Variants in SORCS1 observed in about 807,000 individuals in gnomAD.
SORCS1 encodes the protein sortilin related VPS10 domain containing receptor 1.
A neutral mutation model predicts 146.1 loss-of-function variants in SORCS1; 60 were observed. The ratio of observed to expected loss-of-function variants is 0.41; its 90% confidence interval spans 0.33 to 0.51. The LOEUF (loss-of-function observed/expected upper bound fraction) is 0.51. Ranked by LOEUF, SORCS1 falls within the 20% of genes least tolerant of loss-of-function variation. The pLI is 0.21. For missense variants in SORCS1, 1,352 were observed against 1,487.6 expected (o/e 0.91, Z 1.50); for synonymous variants, 637 against 584.0 (o/e 1.09, Z -1.31).
chr10:107,167,355 A>C (rs914024322), upstream of SORCS1, among the ~76,000 whole-genome samples: 1 of 152,218 alleles, frequency 6.6e-6, no homozygotes, highest in African/African-American at 2.4e-5. Context: ...GCAATCCAAT[A>C]GATTTTTATT....
intron 9 of SORCS1, among the ~76,000 whole-genome samples, chr10:106,696,351 G>T (rs1853703334): frequency 6.6e-6 from 1 of 152,184 alleles, no homozygotes. Flanking sequence ...ATGGCTTTCA[G>T]CTTCCTGCTA....
chr10:106,662,984 T>C (rs1024969109), intron 17 of SORCS1, among the ~76,000 whole-genome samples: 3 of 152,214 alleles, frequency 2.0e-5, no homozygotes, highest in Non-Finnish European at 4.4e-5. Context: ...CCCAGTTGGC[T>C]GAGTGGAATT....
rs189202870 is a variant in SORCS1, at chr10:106,912,310, C to A, written c.626+44203G>T. On this transcript the variant is annotated intron_variant, in intron 2 of 25. Transcript: ENST00000263054. ...CAGAATAACTGAACATGAAACAAAA[C>A]AAAACGAAGCAAAACACAATAGTGC... is the stretch of plus-strand genomic sequence containing the variant. Among the ~76,000 whole-genome samples the A allele has an allele frequency of 8.8e-5, 11 of 124,314 alleles. 1 individual carries two copies. Among genetic ancestry groups the A allele is most frequent in the African/African-American group, 3.1e-4 (10 of 31,864 alleles). 81.6% of individuals were successfully genotyped at this position (124,314 alleles called of 152,430 possible).
intron 17 of SORCS1, among the ~76,000 whole-genome samples, chr10:106,661,228 TGAAATAAA>T (rs1850705288): frequency 6.6e-6 from 1 of 152,176 alleles, no homozygotes; most frequent in African/African-American, 2.4e-5. Flanking sequence ...GGCACTAACA[TGAAATAAA>T]ATACAAATGA....
intron 1 of SORCS1, among the ~76,000 whole-genome samples, chr10:107,141,011 G>A (rs1428547145): frequency 6.6e-6 from 1 of 152,184 alleles, no homozygotes; most frequent in Non-Finnish European, 1.5e-5. Context: ...TCCACACTCT[G>A]AAGTCCTTCA....
At chr10:106,769,885 G>A (rs995417036) in intron 4 of SORCS1, among the ~76,000 whole-genome samples, 5 of 152,126 alleles carry the variant, frequency 3.3e-5, no homozygotes, top group African/African-American at 1.2e-4. Context: ...GAGGCCAGGA[G>A]TTCGAGACCA....
intron 1 of SORCS1, among the ~76,000 whole-genome samples, chr10:107,029,159 T>C (rs149700934): frequency 6.6e-6 from 1 of 152,336 alleles, no homozygotes; most frequent in Non-Finnish European, 1.5e-5. Context: ...TGTCAATCAA[T>C]AGTTATACTT....
At chr10:107,137,077 G>A (rs1967365100) in intron 1 of SORCS1, among the ~76,000 whole-genome samples, 1 of 152,092 alleles carries the variant, frequency 6.6e-6, no homozygotes, top group South Asian at 2.1e-4. Flanking sequence ...GCTCCCCATG[G>A]GCCCTTTAAC....
intron 3 of SORCS1, among the ~76,000 whole-genome samples, chr10:106,812,291 C>T (rs1947501837): frequency 6.6e-6 from 1 of 152,180 alleles, no homozygotes; most frequent in Non-Finnish European, 1.5e-5. Context: ...TGAGCCACTG[C>T]ACCCAGCCTG....
intron 2 of SORCS1, among the ~76,000 whole-genome samples, chr10:106,886,041 C>G (rs2137799814): frequency 6.6e-6 from 1 of 152,278 alleles, no homozygotes; most frequent in Non-Finnish European, 1.5e-5. Flanking sequence ...GTGAGCGGAT[C>G]ACCTGAGGTC....
chr10:107,011,476 G>T (rs1162217244), intron 1 of SORCS1, among the ~76,000 whole-genome samples: 1 of 152,190 alleles, frequency 6.6e-6, no homozygotes, highest in Non-Finnish European at 1.5e-5. Context: ...TGTAAATGCT[G>T]TGTCTTTGCT....
chr10:107,103,096 C>T (rs905836530), intron 1 of SORCS1, among the ~76,000 whole-genome samples: 3 of 152,162 alleles, frequency 2.0e-5, no homozygotes, highest in Non-Finnish European at 4.4e-5. Context: ...GAGAATATGA[C>T]CACAAAGCAT....
chr10:107,178,492 A>G, the SORCS1 span, among the ~76,000 whole-genome samples: 1 of 149,322 alleles, frequency 6.7e-6, no homozygotes. Context: ...TATTTTATAT[A>G]TATATATATA....
chr10:106,816,289 T>A (rs1947737751), intron 3 of SORCS1, among the ~76,000 whole-genome samples: 1 of 152,254 alleles, frequency 6.6e-6, no homozygotes, highest in Admixed American at 6.5e-5. Flanking sequence ...ACATCTGTGA[T>A]TTCAGACAAA....
chr10:106,639,817 A>G (rs750712158), intron 18 of SORCS1, among the ~76,000 whole-genome samples: 1 of 152,146 alleles, frequency 6.6e-6, no homozygotes, highest in Non-Finnish European at 1.5e-5. Context: ...CAGGAGATCG[A>G]GACCATCCTG....
intron 9 of SORCS1, among the ~76,000 whole-genome samples, chr10:106,697,092 T>C (rs1853758721): frequency 1.3e-5 from 2 of 152,294 alleles, no homozygotes; most frequent in East Asian, 1.9e-4. Context: ...AGAAAATGCA[T>C]GGCATTTCAA....
At chr10:106,842,903 G>C (rs1949114887) in intron 2 of SORCS1, among the ~76,000 whole-genome samples, 1 of 152,184 alleles carries the variant, frequency 6.6e-6, no homozygotes, top group Admixed American at 6.5e-5. Flanking sequence ...ATGAGCCACT[G>C]TGCCTGGCCC....
intron 2 of SORCS1, among the ~76,000 whole-genome samples, chr10:106,950,675 T>A (rs1954633980): frequency 6.6e-6 from 1 of 152,026 alleles, no homozygotes; most frequent in Admixed American, 6.6e-5. Flanking sequence ...TTCTATAAAA[T>A]ATCCTGTTGC....
intron 3 of SORCS1, among the ~76,000 whole-genome samples, chr10:106,792,162 T>C (rs990591879): frequency 6.6e-6 from 1 of 152,230 alleles, no homozygotes; most frequent in Non-Finnish European, 1.5e-5. Flanking sequence ...TATACACACA[T>C]AGACATGGGT....
Sources: gnomAD v4.1 joint callset for allele counts (sites outside exome capture counted in the v4.1 genomes callset) on GRCh38, gnomAD v4.1.1 for gene constraint, MANE v1.5 for transcripts, NCBI Gene and HGNC (gene_info 2026-07-23, HGNC 2026-07-21) for gene names.